VPS13D: variants seen among roughly 807,000 people sequenced by gnomAD.
VPS13D encodes intermembrane lipid transfer protein VPS13D.
Under a neutral mutation model 461.9 loss-of-function variants are expected in VPS13D, and 187 were observed. That is an observed-to-expected ratio of 0.40 (90% confidence interval 0.36 to 0.46). VPS13D has a LOEUF of 0.46. Among genes scored for constraint, VPS13D ranks in the 20% least tolerant of loss-of-function variants. VPS13D has a pLI of 0.60. For synonymous variants in VPS13D, 1,951 were observed against 1,986.3 expected (o/e 0.98, Z 0.47); for missense variants, 4,711 against 5,364.9 (o/e 0.88, Z 3.81).
At chr1:12,384,550 A>G (rs1348083002) in intron 58 of VPS13D, among the ~76,000 whole-genome samples, 9 of 152,172 alleles carry the variant, frequency 5.9e-5, no homozygotes, top group Non-Finnish European at 1.0e-4. Flanking sequence ...GAACAAAGGA[A>G]AAAAAAGATG....
intron 65 of VPS13D, among the ~76,000 whole-genome samples, chr1:12,435,973 G>A (rs547780398): frequency 6.6e-5 from 10 of 152,208 alleles, no homozygotes; most frequent in Non-Finnish European, 1.3e-4. Flanking sequence ...TCTACACATC[G>A]AGCTGACTAT....
In VPS13D at chr1:12,502,879, C is replaced by G. The variant is rs1424404237; in HGVS notation, c.12795-3974C>G. ...AAGAGCTACCATTAACTGCGGATCT[C>G]TTCTGTGTGGGGCACGTAGATTAGC... On this transcript the variant is annotated intron_variant, in intron 68 of 69. Coordinates refer to ENST00000620676, the MANE Select transcript of VPS13D (RefSeq NM_015378.4). This position sits in a 1 kb window ranked among gnomAD's most constrained non-coding sequence, Gnocchi z 4.3. 6.6e-6 allele frequency among the ~76,000 whole-genome samples: 1 copy of G among 152,154 alleles called. No individual in the cohort carries two copies. Among genetic ancestry groups the G allele is most frequent in the Non-Finnish European group, 1.5e-5 (1 of 68,042 alleles).
At chr1:12,468,798 T>C (rs574587814) in intron 67 of VPS13D, among the ~76,000 whole-genome samples, 1 of 152,210 alleles carries the variant, frequency 6.6e-6, no homozygotes, top group African/African-American at 2.4e-5. Context: ...TTTGGGAGGC[T>C]GGGGCGGGTA....
At chr1:12,469,598 C>T (rs921549836) in intron 67 of VPS13D, among the ~76,000 whole-genome samples, 6 of 152,334 alleles carry the variant, frequency 3.9e-5, no homozygotes, top group Middle Eastern at 3.4e-3. Context: ...TAGCACATAT[C>T]GGCAATGATG....
chr1:12,487,918 A>G (rs1645822643), intron 67 of VPS13D, among the ~76,000 whole-genome samples: 2 of 152,180 alleles, frequency 1.3e-5, no homozygotes, highest in South Asian at 4.1e-4. Flanking sequence ...AAACTTCATT[A>G]ATTTCAATTA....
intron 2 of VPS13D, among the ~76,000 whole-genome samples, chr1:12,240,853 A>G: frequency 6.6e-6 from 1 of 151,320 alleles, no homozygotes; most frequent in African/African-American, 2.4e-5. Flanking sequence ...ATGTGGACAA[A>G]TGTTCCTGCA....
chr1:12,357,014 T>A (rs1232184252), intron 49 of VPS13D, among the ~76,000 whole-genome samples: 2 of 152,218 alleles, frequency 1.3e-5, no homozygotes, highest in African/African-American at 4.8e-5. Context: ...AGAGCACTCA[T>A]TGCATGTTTA....
intron 66 of VPS13D, 120 bp downstream of exon 66, chr1:12,456,250 T>A: frequency 1.4e-6 from 2 of 1,405,116 alleles, no homozygotes; most frequent in Non-Finnish European, 1.9e-6. Context: ...ATGCTTGTAA[T>A]CCCAGCATTT....
chr1:12,261,282 G>A, intron 12 of VPS13D, 133 bp downstream of exon 12: 1 of 1,071,016 alleles, frequency 9.3e-7, no homozygotes, highest in Non-Finnish European at 1.3e-6. Flanking sequence ...GCTGAGAGAA[G>A]AAGTATTTTG....
At chr1:12,245,512 G>T (rs868723903) in intron 5 of VPS13D, among the ~76,000 whole-genome samples, 13 of 152,126 alleles carry the variant, frequency 8.5e-5, no homozygotes, top group African/African-American at 3.1e-4. Flanking sequence ...TTACAAGGTT[G>T]TGCGTTGGTC....
Position 12,343,074 on chromosome 1 carries a change from C to G in VPS13D, c.8885+23C>G, listed in dbSNP as rs189281936. Reference sequence around the variant, plus strand: ...CAGGTAAAGTATGGTTTATTCTTTTCTTTAAAAAAAAGAAAGTGGATGTAA... The same window carrying G: ...CAGGTAAAGTATGGTTTATTCTTTTGTTTAAAAAAAAGAAAGTGGATGTAA... On this transcript the variant is annotated intron_variant, in intron 42 of 69. Coordinates refer to ENST00000620676, the MANE Select transcript of VPS13D (RefSeq NM_015378.4). The G allele has an allele frequency of 1.7e-5, 27 of 1,566,756 alleles. No individual in the cohort carries two copies. The East Asian group carries it at 5.9e-4, about 34-fold the overall frequency.
At chr1:12,406,905 T>C (rs1264144620) in intron 63 of VPS13D, among the ~76,000 whole-genome samples, 2 of 152,126 alleles carry the variant, frequency 1.3e-5, no homozygotes, top group Admixed American at 6.5e-5. Flanking sequence ...AGCAATCTAG[T>C]TTGGAAGAAA....
At chr1:12,382,696 T>C (rs1644299236) in intron 57 of VPS13D, among the ~76,000 whole-genome samples, 1 of 152,178 alleles carries the variant, frequency 6.6e-6, no homozygotes, top group South Asian at 2.1e-4. Flanking sequence ...TGACAAGAAG[T>C]TAGTACTAGT....
chr1:12,274,111 G>A (rs917997700), intron 18 of VPS13D, among the ~76,000 whole-genome samples: 1 of 152,126 alleles, frequency 6.6e-6, no homozygotes, highest in Non-Finnish European at 1.5e-5. Flanking sequence ...CGCCATCTCA[G>A]GTCACTGCAA....
intron 57 of VPS13D, 115 bp downstream of exon 57, chr1:12,379,711 A>C: frequency 1.5e-6 from 1 of 650,892 alleles, no homozygotes; most frequent in Non-Finnish European, 2.6e-6. Flanking sequence ...GTTACAGAGC[A>C]ATACTTATTC....
At position 12,277,218 on chromosome 1, in the gene VPS13D, G is replaced by A. The variant is rs761443511; in HGVS notation, c.3630G>A (p.Thr1210=). The change falls in exon 19 of 70, where the codon ACG becomes ACA. Residue 1210 remains threonine, a synonymous_variant. Coordinates refer to ENST00000620676, the MANE Select transcript of VPS13D (RefSeq NM_015378.4). ...AAGTTAATGTCTCAATGGGTAGCAC[G>A]TTTGACATGAATGGTTCTCTTGGCT... ...GTKVNVSMGS[T]FDMNGSLGCL... The A allele has an allele frequency of 1.5e-5, 24 of 1,614,218 alleles. No individual in the cohort carries two copies. In the East Asian group the frequency reaches 3.3e-4, roughly 22 times the overall value.
chr1:12,260,189 C>G (rs2101283518), intron 10 of VPS13D, among the ~76,000 whole-genome samples: 1 of 152,108 alleles, frequency 6.6e-6, no homozygotes, highest in South Asian at 2.1e-4. Flanking sequence ...CCACGCCTGG[C>G]TAATTTTTTG....
chr1:12,337,080 CCTCT>C (rs1291046610), intron 39 of VPS13D: 1 of 151,826 alleles, frequency 6.6e-6, no homozygotes, highest in Non-Finnish European at 1.5e-5. Flanking sequence ...AATTTTTGTC[CCTCT>C]CTCTTTCTCT....
At position 12,356,013 on chromosome 1, in the gene VPS13D, C is replaced by T. The variant is rs1354528757; in HGVS notation, c.9794C>T (p.Thr3265Ile). ...YDVNRRQLNL[T>I]IRIVCRAEGS... ...GTCAACCGTCGGCAGCTGAACCTCACCATCCGGATTGTGTGTCGAGCAGAA... is the reference window on the plus strand; with the variant it reads ...GTCAACCGTCGGCAGCTGAACCTCATCATCCGGATTGTGTGTCGAGCAGAA... The change falls in exon 48 of 70, where the codon ACC (threonine) becomes ATC (isoleucine). Residue 3265 changes from threonine (T) to isoleucine (I), a missense_variant. By Grantham distance (89) the Thr-to-Ile change is moderately conservative. This residue lies in a region of VPS13D where 4,411 missense variants were observed against 4,937.8 expected (regional missense o/e 0.89). Coordinates refer to ENST00000620676, the MANE Select transcript of VPS13D (RefSeq NM_015378.4). The T allele has an allele frequency of 6.2e-7, 1 of 1,614,108 alleles. No individual in the cohort carries two copies. The highest frequency in any genetic ancestry group is 1.1e-5 in the South Asian group (1 of 91,068).
Sources: allele counts gnomAD v4.1 joint callset (sites outside exome capture counted in the v4.1 genomes callset), GRCh38; gene constraint gnomAD v4.1.1; regional missense constraint gnomAD v4.1.1; non-coding constraint Gnocchi (gnomAD v3.1); transcripts MANE v1.5; gene names NCBI Gene and HGNC (gene_info 2026-07-23, HGNC 2026-07-21).